SCRG1: variants seen among roughly 807,000 people sequenced by gnomAD.
SCRG1 encodes the protein scrapie-responsive protein 1.
In SCRG1, 3 loss-of-function variants were observed where a neutral mutation model predicts 7.7. That is an observed-to-expected ratio of 0.39 (90% CI 0.18 to 1.01). The LOEUF (loss-of-function observed/expected upper bound fraction) is 1.01. Among genes scored for constraint, SCRG1 ranks in the 50% least tolerant of loss-of-function variants. The probability of loss-of-function intolerance (pLI) is 0.36; values close to 1 mark genes in which losing one functional copy is unlikely to be tolerated. For synonymous variants in SCRG1, 46 were observed against 41.2 expected, an observed-to-expected ratio of 1.12 and a Z score of -0.44; for missense variants, 110 against 117.2, an observed-to-expected ratio of 0.94 and a Z score of 0.28.
the SCRG1 span, among the ~76,000 whole-genome samples, chr4:173,486,024 T>C: frequency 1.3e-5 from 2 of 152,110 alleles, no homozygotes; most frequent in African/African-American, 4.8e-5. Context: ...CTTCATAAAC[T>C]ATGTCAAAGG....
rs1306844332 is a variant in SCRG1, at chr4:173,385,193, T to C, written c.*3148A>G. The C allele has an allele frequency of 6.6e-6, 1 of 152,146 alleles. No individual in the cohort carries two copies. The highest frequency in any genetic ancestry group is 1.5e-5 in the Non-Finnish European group (1 of 68,026). 9.4% of individuals were successfully genotyped at this position (152,146 alleles called of 1,614,324 possible). On this transcript the variant is annotated 3_prime_UTR_variant, in exon 3 of 3. Transcript: ENST00000296506. ...TTAGTTGTCTTATAACTAAAATCTA[T>C]TGGAAAAACTCATGCCTGTAATCCT...
the SCRG1 span, among the ~76,000 whole-genome samples, chr4:173,426,253 A>G: frequency 6.6e-6 from 1 of 152,174 alleles, no homozygotes; most frequent in African/African-American, 2.4e-5. Context: ...ACAAACCCCA[A>G]TGTGCCCAGG....
chr4:173,442,579 T>A, the SCRG1 span, among the ~76,000 whole-genome samples: 1 of 152,228 alleles, frequency 6.6e-6, no homozygotes, highest in Non-Finnish European at 1.5e-5. Context: ...TCCATGTTTT[T>A]CTATCCATTT....
At chr4:173,504,990 G>C in the SCRG1 span, among the ~76,000 whole-genome samples, 2 of 152,198 alleles carry the variant, frequency 1.3e-5, no homozygotes, top group Admixed American at 1.3e-4. The surrounding 1 kb of genome is among the most constrained non-coding windows in gnomAD (Gnocchi z 4.7). Flanking sequence ...CACTGAATTA[G>C]ATGATCAATA....
the SCRG1 span, among the ~76,000 whole-genome samples, chr4:173,460,584 C>T: frequency 6.6e-6 from 1 of 152,202 alleles, no homozygotes; most frequent in African/African-American, 2.4e-5. Context: ...GAACCCCGTG[C>T]CCTGAAGGAA....
At chr4:173,416,512 G>A in the SCRG1 span, among the ~76,000 whole-genome samples, 1 of 152,256 alleles carries the variant, frequency 6.6e-6, no homozygotes, top group Non-Finnish European at 1.5e-5. Flanking sequence ...GGGTGACTGA[G>A]GAGACTGAGG....
the SCRG1 span, among the ~76,000 whole-genome samples, chr4:173,454,072 C>T: frequency 1.4e-4 from 15 of 105,040 alleles, no homozygotes; most frequent in East Asian, 1.4e-3. Flanking sequence ...AACGAGACTC[C>T]GTCTAAAAAA....
the SCRG1 span, among the ~76,000 whole-genome samples, chr4:173,489,082 T>C: frequency 2.6e-5 from 4 of 152,228 alleles, no homozygotes; most frequent in African/African-American, 9.7e-5. Flanking sequence ...TACCTAAATA[T>C]ACACAATTAT....
chr4:173,405,564 T>C (rs1486084098), intron 1 of SCRG1, among the ~76,000 whole-genome samples: 1 of 152,220 alleles, frequency 6.6e-6, no homozygotes, highest in African/African-American at 2.4e-5. Context: ...GGAGAATTTT[T>C]CTTCACATGA....
upstream of SCRG1, among the ~76,000 whole-genome samples, chr4:173,408,519 T>TA (rs1739968181): frequency 6.6e-6 from 1 of 152,184 alleles, no homozygotes. Flanking sequence ...TTTTAAGTGA[T>TA]TTATTATGTG....
chr4:173,445,031 C>G, the SCRG1 span, among the ~76,000 whole-genome samples: 1 of 151,884 alleles, frequency 6.6e-6, no homozygotes, highest in African/African-American at 2.4e-5. Flanking sequence ...TTTGGCTTCT[C>G]TATGGGGCAA....
At chr4:173,494,452 C>T in the SCRG1 span, among the ~76,000 whole-genome samples, 3 of 152,310 alleles carry the variant, frequency 2.0e-5, no homozygotes, top group Admixed American at 2.0e-4. Flanking sequence ...TTCCAAAGAG[C>T]GGAGGAAGCA....
At chr4:173,450,269 A>G in the SCRG1 span, among the ~76,000 whole-genome samples, 1 of 152,148 alleles carries the variant, frequency 6.6e-6, no homozygotes. Context: ...CCATGATCCA[A>G]TCATCTCCCA....
At chr4:173,504,412 C>T in the SCRG1 span, among the ~76,000 whole-genome samples, 19 of 152,184 alleles carry the variant, frequency 1.2e-4, no homozygotes, top group Non-Finnish European at 2.5e-4. This position sits in a 1 kb window ranked among gnomAD's most constrained non-coding sequence, Gnocchi z 4.7. Context: ...CTCCAGCTTT[C>T]CCTATCCCAG....
At chr4:173,448,952 T>C in the SCRG1 span, among the ~76,000 whole-genome samples, 2 of 152,240 alleles carry the variant, frequency 1.3e-5, no homozygotes, top group Non-Finnish European at 2.9e-5. Flanking sequence ...AAGTATTCTT[T>C]TGGAAGATTT....
chr4:173,391,162 C>A lies in SCRG1; in HGVS notation c.242+11G>T, dbSNP rs2126914322. 6.2e-7 allele frequency: 1 copy of A among 1,613,370 alleles called. No individual in the cohort carries two copies. The highest frequency in any genetic ancestry group is 1.1e-5 in the South Asian group (1 of 91,070). ...TTCCAGGCAATACACTTTGTGATAC[C>A]ATTTCCTTACTTTGGGCAGCAGAGC... On this transcript the variant is annotated intron_variant, in intron 2 of 2. Transcript: ENST00000296506.
At chr4:173,489,198 A>G in the SCRG1 span, among the ~76,000 whole-genome samples, 56 of 152,322 alleles carry the variant, frequency 3.7e-4, 1 homozygote, top group African/African-American at 1.0e-3. Context: ...GAAGCTTTTT[A>G]AAAAATAATC....
At chr4:173,459,576 C>T in the SCRG1 span, among the ~76,000 whole-genome samples, 2 of 152,034 alleles carry the variant, frequency 1.3e-5, no homozygotes, top group African/African-American at 2.4e-5. Context: ...AAAATAAAAA[C>T]GCAACATATC....
At chr4:173,423,668 A>C in the SCRG1 span, among the ~76,000 whole-genome samples, 7 of 144,782 alleles carry the variant, frequency 4.8e-5, no homozygotes, top group Admixed American at 1.4e-4. Flanking sequence ...CTTTTTTTTT[A>C]ATTTTTTTTT....
Sources: allele counts gnomAD v4.1 joint callset (sites outside exome capture counted in the v4.1 genomes callset), GRCh38; gene constraint gnomAD v4.1.1; non-coding constraint Gnocchi (gnomAD v3.1); transcripts MANE v1.5; gene names NCBI Gene and HGNC (gene_info 2026-07-23, HGNC 2026-07-21).